The following IGLON5 variants were observed in gnomAD, a reference collection of about 807,000 sequenced individuals.
IGLON5 encodes the protein Ig-like domain-containing protein ENSP00000270642.
In IGLON5, 16 loss-of-function variants were observed where a neutral mutation model predicts 38.2. The ratio of observed to expected loss-of-function variants is 0.42; its 90% CI spans 0.28 to 0.64. The LOEUF is 0.64. IGLON5 is among the 30% of genes least tolerant of loss of function. The probability of loss-of-function intolerance (pLI) is 0.23; values close to 1 mark genes in which losing one functional copy is unlikely to be tolerated. For synonymous variants in IGLON5, 207 were observed against 216.4 expected (o/e 0.96, Z 0.38); for missense variants, 366 against 483.4 (o/e 0.76, Z 2.28).
chr19:51,329,588 G>A lies in IGLON5; in HGVS notation c.*829G>A, dbSNP rs953638754. The A allele has an allele frequency of 2.6e-5, 4 of 152,198 alleles. No homozygotes were observed. Among genetic ancestry groups the A allele is most frequent in the African/African-American group, 9.7e-5 (4 of 41,418 alleles). The allele number at this position is 152,198 out of a possible 1,614,324, so 9.4% of individuals were successfully genotyped here. A position where few individuals can be genotyped will look rare whatever the true frequency, so the allele number is the denominator to read the frequency against. On this transcript the variant is annotated 3_prime_UTR_variant, in exon 8 of 8. Coordinates refer to ENST00000270642, the MANE Select transcript of IGLON5 (RefSeq NM_001101372.3). The surrounding 1 kb of genome is among the most constrained non-coding windows in gnomAD (Gnocchi z 4.3). ...GGTGCTTCCATCCAACTGTCAGACT[G>A]GTGGCAGGAGTCACCTGTCTGTTTC...
At position 51,312,751 on chromosome 19, in the gene IGLON5, G is replaced by A. The variant is rs73932708; in HGVS notation, c.79+825G>A. Reference sequence around the variant, plus strand: ...TAAAGCAGGTTGAAGGGTTAACCCCGGCCCGGCCCGGCCCTCCCAGTTGGG... The same window carrying A: ...TAAAGCAGGTTGAAGGGTTAACCCCAGCCCGGCCCGGCCCTCCCAGTTGGG... On this transcript the variant is annotated intron_variant, in intron 1 of 7. Transcript: ENST00000270642. Among the ~76,000 whole-genome samples, 1,186 of 152,120 alleles carry A rather than the reference G, an allele frequency of 7.8e-3. 23 individuals are homozygous for A. The highest frequency in any genetic ancestry group is 0.026 in the African/African-American group (1,096 of 41,476).
chr19:51,314,165 C>A (rs898623650), intron 1 of IGLON5, among the ~76,000 whole-genome samples: 2 of 149,484 alleles, frequency 1.3e-5, no homozygotes, highest in Admixed American at 1.3e-4. Flanking sequence ...CTCACTGCAA[C>A]TTCCCATTTT....
chr19:51,313,456 T>C (rs1400223134), intron 1 of IGLON5, among the ~76,000 whole-genome samples: 1 of 152,348 alleles, frequency 6.6e-6, no homozygotes, highest in Non-Finnish European at 1.5e-5. Context: ...TGTTGCCCAT[T>C]GCATGACTCA....
At chr19:51,319,256 G>A (rs865897165) in intron 1 of IGLON5, among the ~76,000 whole-genome samples, 2 of 152,048 alleles carry the variant, frequency 1.3e-5, no homozygotes, top group Non-Finnish European at 2.9e-5. Flanking sequence ...ACTACCCGTC[G>A]TTCGGTCCAG....
chr19:51,318,402 C>T (rs1984973512), intron 1 of IGLON5, among the ~76,000 whole-genome samples: 1 of 152,074 alleles, frequency 6.6e-6, no homozygotes, highest in Non-Finnish European at 1.5e-5. Context: ...CTGAGGCACC[C>T]GGAGTCCTGC....
Position 51,311,684 on chromosome 19 carries a change from C to A in IGLON5, c.-164C>A, listed in dbSNP as rs1984761971. On this transcript the variant is annotated 5_prime_UTR_variant, in exon 1 of 8. Coordinates refer to ENST00000270642, the MANE Select transcript of IGLON5 (RefSeq NM_001101372.3). ...CTCCCCGGGTCTGCAGCAGCTCCAG[C>A]CGCCTCGTCGCGCCCCCCCAGCCCC... Among the ~76,000 whole-genome samples, 1 of 141,996 alleles carries A rather than the reference C, an allele frequency of 7.0e-6. No individual in the cohort carries two copies. Among genetic ancestry groups the A allele is most frequent in the Non-Finnish European group, 1.6e-5 (1 of 63,402 alleles). 93.2% of individuals were successfully genotyped at this position (141,996 alleles called of 152,430 possible).
At position 51,325,559 on chromosome 19, in the gene IGLON5, C is replaced by T. The variant is rs1985196529; in HGVS notation, c.511+94C>T. 1.5e-6 allele frequency: 2 copies of T among 1,347,106 alleles called. No homozygotes were observed. Among genetic ancestry groups the T allele is most frequent in the South Asian group, 1.5e-5 (1 of 67,074 alleles). 83.4% of individuals were successfully genotyped at this position (1,347,106 alleles called of 1,614,324 possible). On this transcript the variant is annotated intron_variant, in intron 4 of 7. Coordinates refer to ENST00000270642, the MANE Select transcript of IGLON5 (RefSeq NM_001101372.3). The surrounding 1 kb of genome is among the most constrained non-coding windows in gnomAD (Gnocchi z 5.5). ...ATCCCTAGCTAGTTTCCCCAGCCCC[C>T]TTCTCCCTGGCCCCTTGGCTTCCCC...
chr19:51,312,598 A>G (rs1353292256), intron 1 of IGLON5, among the ~76,000 whole-genome samples: 1 of 152,016 alleles, frequency 6.6e-6, no homozygotes, highest in Non-Finnish European at 1.5e-5. Context: ...AGCTGGAGAT[A>G]CAGGAAGTTG....
At chr19:51,328,339 C>CA (rs767807401) in intron 7 of IGLON5, among the ~76,000 whole-genome samples, 2,369 of 124,128 alleles carry the variant, frequency 0.019, 83 homozygotes, top group African/African-American at 0.055. Context: ...ATGTCTCTAC[C>CA]AAAAAAAAAA....
chr19:51,326,901 G>A lies in IGLON5; in HGVS notation c.646+3G>A. On this transcript the variant is annotated splice_donor_region_variant and intron_variant, in intron 5 of 7. Coordinates refer to ENST00000270642, the MANE Select transcript of IGLON5 (RefSeq NM_001101372.3). ...CCGCGTGCTGGTCACAGTCAACTGT[G>A]AGCCCCCCTGGCACTGGGCACGAAA... 6.4e-7 allele frequency: 1 copy of A among 1,569,398 alleles called. No homozygotes were observed. The highest frequency in any genetic ancestry group is 8.6e-7 in the Non-Finnish European group (1 of 1,157,360).
chr19:51,321,239 G>A lies in IGLON5; in HGVS notation c.80-825G>A, dbSNP rs529189017. Among the ~76,000 whole-genome samples the A allele has an allele frequency of 1.6e-4, 25 of 152,224 alleles. No individual in the cohort carries two copies. In the Middle Eastern group the frequency reaches 0.014, roughly 83 times the overall value. On this transcript the variant is annotated intron_variant, in intron 1 of 7. Transcript: ENST00000270642. ...GTTGCCCAGGCTGGAGTGCAATGGC[G>A]TGATCTTGGCTCACTGCAACCTCCG...
intron 1 of IGLON5, among the ~76,000 whole-genome samples, chr19:51,321,160 T>G (rs1401578478): frequency 2.6e-5 from 4 of 152,190 alleles, no homozygotes; most frequent in African/African-American, 9.7e-5. Context: ...TCTGCATATG[T>G]ATATGTATCT....
At position 51,330,663 on chromosome 19, in the gene IGLON5, G is replaced by A. The variant is rs113848757; in HGVS notation, c.*1904G>A. ...CCGTGATGTGAAGTCAACATCTGTA[G>A]GGTTGCTTTTCTCCATCACATGGAG... On this transcript the variant is annotated 3_prime_UTR_variant, in exon 8 of 8. Transcript: ENST00000270642. Among the ~76,000 whole-genome samples, 11 of 152,294 alleles carry A rather than the reference G, an allele frequency of 7.2e-5. 1 individual carries two copies. The highest frequency in any genetic ancestry group is 2.6e-4 in the African/African-American group (11 of 41,558).
At chr19:51,322,639 C>G (rs1985096047) in intron 2 of IGLON5, among the ~76,000 whole-genome samples, 2 of 148,446 alleles carry the variant, frequency 1.3e-5, no homozygotes, top group Admixed American at 1.3e-4. Flanking sequence ...TCTGTCCCCC[C>G]TCTTTCTCTG....
Position 51,327,990 on chromosome 19 carries a change from G to A in IGLON5, c.922+104G>A. ...GCCCTTCAGGCTGGCCCTGAACTTAGGAGATGGACGCTGAGACTGAAAAGC... is the reference window on the plus strand; with the variant it reads ...GCCCTTCAGGCTGGCCCTGAACTTAAGAGATGGACGCTGAGACTGAAAAGC... On this transcript the variant is annotated intron_variant, in intron 7 of 7. Coordinates refer to ENST00000270642, the MANE Select transcript of IGLON5 (RefSeq NM_001101372.3). The surrounding 1 kb of genome is among the most constrained non-coding windows in gnomAD (Gnocchi z 7.1). The A allele has an allele frequency of 8.4e-7, 1 of 1,191,752 alleles. No individual in the cohort carries two copies. The highest frequency in any genetic ancestry group is 2.7e-5 in the East Asian group (1 of 36,456). 73.8% of individuals were successfully genotyped at this position (1,191,752 alleles called of 1,614,324 possible). A position where few individuals can be genotyped will look rare whatever the true frequency, so the allele number is the denominator to read the frequency against.
chr19:51,323,587 C>T (rs762973798), intron 2 of IGLON5, 75 bp from the exon 3 acceptor site: 6 of 1,320,092 alleles, frequency 4.5e-6, no homozygotes, highest in African/African-American at 1.5e-5. Flanking sequence ...CCTCCTTCTC[C>T]CACCCACCCC....
At chr19:51,312,658 G>A (rs2123507209) in intron 1 of IGLON5, among the ~76,000 whole-genome samples, 1 of 152,228 alleles carries the variant, frequency 6.6e-6, no homozygotes, top group South Asian at 2.1e-4. Context: ...GAATGTCTAG[G>A]TTCGTGGGGC....
At chr19:51,323,983 C>T (rs1985152786) in intron 3 of IGLON5, 89 bp downstream of exon 3, 1 of 874,388 alleles carries the variant, frequency 1.1e-6, no homozygotes. Flanking sequence ...TGTTCCCCAA[C>T]CCCAGGGATA....
At chr19:51,326,997 G>GCCTC in intron 5 of IGLON5, 83 bp from the exon 6 acceptor site, 1 of 1,589,004 alleles carries the variant, frequency 6.3e-7, no homozygotes, top group Non-Finnish European at 8.5e-7. Context: ...AGACTTACGG[G>GCCTC]CCTGAGGGAG....
Sources: allele counts gnomAD v4.1 joint callset (sites outside exome capture counted in the v4.1 genomes callset), GRCh38; gene constraint gnomAD v4.1.1; non-coding constraint Gnocchi (gnomAD v3.1); transcripts MANE v1.5; gene names NCBI Gene and HGNC (gene_info 2026-07-23, HGNC 2026-07-21).